The following CNTN4 variants were observed in gnomAD, a reference collection of about 807,000 sequenced individuals.
The protein encoded by CNTN4 is contactin 4, also known as contactin-4.
CNTN4 carries 77 observed loss-of-function variants against 122.5 expected under a neutral mutation model. The observed-to-expected ratio is 0.63, with a 90% CI of 0.52 to 0.76. CNTN4 has a LOEUF of 0.76. Ranked by LOEUF, CNTN4 falls within the 30% of genes least tolerant of loss-of-function variation. CNTN4 has a pLI of 0.00. For missense variants in CNTN4, 1,256 were observed against 1,259.1 expected, an observed-to-expected ratio of 1.00 and a Z score of 0.04; for synonymous variants, 512 against 447.0, an observed-to-expected ratio of 1.15 and a Z score of -1.83.
intron 3 of CNTN4, among the ~76,000 whole-genome samples, chr3:2,389,453 A>G (rs1220534523): frequency 2.0e-5 from 3 of 152,164 alleles, no homozygotes; most frequent in African/African-American, 7.2e-5. Context: ...CTTGCTTTCA[A>G]CTATCTTTCA....
rs754378198 is a variant in CNTN4, at chr3:2,465,442, C to T, written c.-88-105974C>T. ...CTGTAATCCCAGCACTTTGGGAGGCCGAGATAGACGGATTGCCTGAGCTCA... is the reference window on the plus strand; with the variant it reads ...CTGTAATCCCAGCACTTTGGGAGGCTGAGATAGACGGATTGCCTGAGCTCA... On this transcript the variant is annotated intron_variant, in intron 3 of 24. Coordinates refer to ENST00000418658, the MANE Select transcript of CNTN4 (RefSeq NM_175607.3). Among the ~76,000 whole-genome samples, 20 of 152,132 alleles carry T rather than the reference C, an allele frequency of 1.3e-4. No individual in the cohort carries two copies. In the East Asian group the frequency reaches 1.7e-3, roughly 13 times the overall value.
At chr3:2,723,832 T>A (rs1317432484) in intron 4 of CNTN4, among the ~76,000 whole-genome samples, 1 of 152,196 alleles carries the variant, frequency 6.6e-6, no homozygotes, top group Non-Finnish European at 1.5e-5. Flanking sequence ...ATAATGCCAG[T>A]AAGTACTTGG....
At chr3:2,319,469 C>T (rs954897062) in intron 2 of CNTN4, among the ~76,000 whole-genome samples, 4 of 152,160 alleles carry the variant, frequency 2.6e-5, no homozygotes, top group Admixed American at 2.6e-4. Context: ...CCTTCCATCT[C>T]TTTCACCTCT....
At chr3:2,740,992 A>C (rs1163145559) in intron 5 of CNTN4, among the ~76,000 whole-genome samples, 2 of 152,250 alleles carry the variant, frequency 1.3e-5, no homozygotes, top group African/African-American at 4.8e-5. Context: ...CACCAGAGAA[A>C]GAAAATAACA....
intron 13 of CNTN4, among the ~76,000 whole-genome samples, chr3:2,965,119 T>C (rs2125043215): frequency 6.6e-6 from 1 of 152,318 alleles, no homozygotes; most frequent in East Asian, 1.9e-4. Flanking sequence ...TAGGTATCAT[T>C]TTCTACCTCT....
At position 2,963,991 on chromosome 3, in the gene CNTN4, C is replaced by T. The variant is rs1032516061; in HGVS notation, c.1359-24354C>T. Among the ~76,000 whole-genome samples, 6 of 152,088 alleles carry T rather than the reference C, an allele frequency of 3.9e-5. No individual in the cohort carries two copies. The South Asian group carries it at 6.2e-4, about 16-fold the overall frequency. On this transcript the variant is annotated intron_variant, in intron 13 of 24. Coordinates refer to ENST00000418658, the MANE Select transcript of CNTN4 (RefSeq NM_175607.3). ...GTTTAAGTTTCATGAAGGGAGCAAC[C>T]GTATCAGTTTTGTTCACTATTGCAT...
At chr3:2,184,821 T>A (rs2037173990) in intron 2 of CNTN4, among the ~76,000 whole-genome samples, 1 of 152,060 alleles carries the variant, frequency 6.6e-6, no homozygotes, top group Non-Finnish European at 1.5e-5. Context: ...CCTCCAGAAG[T>A]GTGAGAAAAA....
chr3:2,675,493 A>G (rs1022601963), intron 4 of CNTN4, among the ~76,000 whole-genome samples: 3 of 152,220 alleles, frequency 2.0e-5, no homozygotes, highest in Admixed American at 2.0e-4. Context: ...GATAGCGCTT[A>G]TCACTATCTA....
chr3:2,814,020 C>T (rs2092673246), intron 6 of CNTN4, among the ~76,000 whole-genome samples: 1 of 152,168 alleles, frequency 6.6e-6, no homozygotes, highest in African/African-American at 2.4e-5. Flanking sequence ...AGCATGTTTT[C>T]TAATCTCATT....
chr3:2,352,367 T>C (rs1190893423), intron 3 of CNTN4, among the ~76,000 whole-genome samples: 1 of 152,114 alleles, frequency 6.6e-6, no homozygotes, highest in Non-Finnish European at 1.5e-5. Context: ...CGGAACCGGC[T>C]CCCTCTGCTT....
chr3:2,784,733 T>A (rs1323652626), intron 6 of CNTN4, among the ~76,000 whole-genome samples: 1 of 152,202 alleles, frequency 6.6e-6, no homozygotes, highest in Non-Finnish European at 1.5e-5. Context: ...CTGACAGCCA[T>A]CTCACTTTGA....
At chr3:3,050,685 C>G (rs931151898) in intron 23 of CNTN4, among the ~76,000 whole-genome samples, 2 of 146,070 alleles carry the variant, frequency 1.4e-5, no homozygotes, top group Non-Finnish European at 3.0e-5. Flanking sequence ...ATTGCTTGAA[C>G]CCGGGAGGCG....
chr3:2,816,809 G>C (rs149049684), intron 6 of CNTN4, among the ~76,000 whole-genome samples: 35,407 of 115,186 alleles, frequency 0.31, 5,216 homozygotes, highest in African/African-American at 0.38. Flanking sequence ...AACAGAGTGA[G>C]ACTCTGTCTC....
At chr3:2,723,130 C>A (rs919370300) in intron 4 of CNTN4, among the ~76,000 whole-genome samples, 6 of 152,168 alleles carry the variant, frequency 3.9e-5, no homozygotes, top group East Asian at 1.9e-4. Flanking sequence ...ACCAGTTTTA[C>A]TGTTATCCAA....
intron 4 of CNTN4, among the ~76,000 whole-genome samples, chr3:2,627,904 C>T (rs1044636546): frequency 1.3e-5 from 2 of 152,126 alleles, no homozygotes; most frequent in African/African-American, 4.8e-5. Context: ...TGAAGATATT[C>T]ATTTAGATTT....
intron 2 of CNTN4, among the ~76,000 whole-genome samples, chr3:2,249,455 T>G (rs1395973062): frequency 6.6e-6 from 1 of 151,852 alleles, no homozygotes; most frequent in Non-Finnish European, 1.5e-5. Context: ...GGACAGTTAG[T>G]GTGTCTGAAA....
At chr3:2,159,601 G>A (rs183518273) in intron 2 of CNTN4, among the ~76,000 whole-genome samples, 1 of 152,138 alleles carries the variant, frequency 6.6e-6, no homozygotes, top group African/African-American at 2.4e-5. Context: ...TTATCTGTCT[G>A]TCAAGCATTT....
chr3:3,002,917 C>G (rs756920490), intron 14 of CNTN4, among the ~76,000 whole-genome samples: 1 of 152,132 alleles, frequency 6.6e-6, no homozygotes, highest in Non-Finnish European at 1.5e-5. Context: ...CCATTTAAAT[C>G]GTGTGGGCAG....
chr3:2,304,504 C>G (rs1395760383), intron 2 of CNTN4, among the ~76,000 whole-genome samples: 1 of 151,836 alleles, frequency 6.6e-6, no homozygotes, highest in African/African-American at 2.4e-5. Context: ...AAAGACAGAC[C>G]AAAGGGAGGA....
Sources: allele counts gnomAD v4.1 joint callset (sites outside exome capture counted in the v4.1 genomes callset), GRCh38; gene constraint gnomAD v4.1.1; transcripts MANE v1.5; gene names NCBI Gene and HGNC (gene_info 2026-07-23, HGNC 2026-07-21).